ZFPM2: variants seen among roughly 807,000 people sequenced by gnomAD.
ZFPM2 encodes zinc finger protein, FOG family member 2.
ZFPM2 carries 20 observed loss-of-function variants against 98.6 expected under a neutral mutation model. The observed-to-expected ratio is 0.20, with a 90% CI of 0.14 to 0.29. The LOEUF (loss-of-function observed/expected upper bound fraction) is 0.29. Ranked by LOEUF, ZFPM2 falls within the 10% of genes least tolerant of loss-of-function variation. The pLI is 1.00. For synonymous variants in ZFPM2, 518 were observed against 502.7 expected, an observed-to-expected ratio of 1.03 and a Z score of -0.41; for missense variants, 1,310 against 1,388.6, an observed-to-expected ratio of 0.94 and a Z score of 0.90.
chr8:105,655,652 T>A (rs1817271141), intron 5 of ZFPM2, among the ~76,000 whole-genome samples: 1 of 152,168 alleles, frequency 6.6e-6, no homozygotes, highest in Admixed American at 6.5e-5. Flanking sequence ...TATCATAGAA[T>A]CATAAAATTC....
intron 1 of ZFPM2, among the ~76,000 whole-genome samples, chr8:105,333,347 A>G (rs1431506056): frequency 1.3e-5 from 2 of 151,802 alleles, no homozygotes; most frequent in Non-Finnish European, 2.9e-5. Context: ...GCAAAAATGA[A>G]TGAACAGAGC....
chr8:105,412,305 A>G (rs1811592118), intron 1 of ZFPM2, among the ~76,000 whole-genome samples: 1 of 151,838 alleles, frequency 6.6e-6, no homozygotes, highest in Non-Finnish European at 1.5e-5. Context: ...TCAAAACTCA[A>G]TTTAAATATT....
At chr8:105,341,005 G>A (rs1178550887) in intron 1 of ZFPM2, among the ~76,000 whole-genome samples, 3 of 151,818 alleles carry the variant, frequency 2.0e-5, no homozygotes, top group Admixed American at 1.3e-4. Context: ...CACTGTCAAG[G>A]GTGAGGGGAC....
At position 105,801,602 on chromosome 8, in the gene ZFPM2, T is replaced by C. The variant is rs1194484043; in HGVS notation, c.1520T>C (p.Ile507Thr). 4 of 1,613,768 alleles carry C rather than the reference T, an allele frequency of 2.5e-6. No individual in the cohort carries two copies. The highest frequency in any genetic ancestry group is 1.3e-5 in the African/African-American group (1 of 74,886). ...FLSQFSFPQD[I>T]TMVPQASEIL... is the part of the protein sequence containing the mutation. ...TCTCAGTTTTCTTTCCCCCAAGATA[T>C]CACCATGGTCCCTCAAGCTTCAGAG... The change falls in exon 8 of 8, where the codon ATC becomes ACC. Residue 507 changes from isoleucine to threonine, a missense_variant. Physicochemically the swap from Ile to Thr is moderately conservative, Grantham distance 89. Transcript: ENST00000407775.
chr8:105,494,755 G>A (rs529039557), intron 3 of ZFPM2, among the ~76,000 whole-genome samples: 25 of 152,184 alleles, frequency 1.6e-4, no homozygotes, highest in Non-Finnish European at 3.4e-4. Flanking sequence ...CAAGAATTCT[G>A]ATGTACAGAA....
intron 5 of ZFPM2, among the ~76,000 whole-genome samples, chr8:105,649,549 C>G (rs546474421): frequency 6.6e-6 from 1 of 152,104 alleles, no homozygotes; most frequent in East Asian, 1.9e-4. Flanking sequence ...TTTTGAGATA[C>G]GTCCCATCAA....
intron 5 of ZFPM2, among the ~76,000 whole-genome samples, chr8:105,704,909 C>G (rs1426367779): frequency 6.6e-6 from 1 of 152,136 alleles, no homozygotes; most frequent in Non-Finnish European, 1.5e-5. Context: ...TTAAATTCTC[C>G]TCTAGTCAGT....
chr8:105,758,126 G>A (rs570388210), intron 5 of ZFPM2, among the ~76,000 whole-genome samples: 3 of 152,208 alleles, frequency 2.0e-5, no homozygotes, highest in Admixed American at 1.3e-4. Context: ...ATAAATAGGA[G>A]ACAATTCTTG....
At chr8:105,677,220 T>G (rs1452295692) in intron 5 of ZFPM2, among the ~76,000 whole-genome samples, 2 of 152,022 alleles carry the variant, frequency 1.3e-5, no homozygotes, top group Non-Finnish European at 2.9e-5. Context: ...TCATGTCTTT[T>G]TTTTTTTAAG....
intron 2 of ZFPM2, among the ~76,000 whole-genome samples, chr8:105,423,483 T>C (rs1811844380): frequency 1.3e-5 from 2 of 152,218 alleles, no homozygotes; most frequent in Non-Finnish European, 2.9e-5. Context: ...CATCTTTTGT[T>C]TATGAGTTTA....
At chr8:105,639,627 G>T (rs1266089451) in intron 5 of ZFPM2, among the ~76,000 whole-genome samples, 1 of 152,040 alleles carries the variant, frequency 6.6e-6, no homozygotes, top group East Asian at 1.9e-4. Context: ...TACCATGCAG[G>T]ATTTTTGTGA....
chr8:105,757,663 T>C (rs1337038725), intron 5 of ZFPM2, among the ~76,000 whole-genome samples: 2 of 152,168 alleles, frequency 1.3e-5, no homozygotes, highest in Non-Finnish European at 2.9e-5. Context: ...CTTGAACATA[T>C]ACTTACACAC....
intron 2 of ZFPM2, among the ~76,000 whole-genome samples, chr8:105,437,933 C>T (rs1812158585): frequency 6.6e-6 from 1 of 152,080 alleles, no homozygotes; most frequent in South Asian, 2.1e-4. Context: ...ATCCCAGCTA[C>T]TCAGGAGGCT....
chr8:105,460,673 G>A (rs1175987318), intron 3 of ZFPM2, among the ~76,000 whole-genome samples: 4 of 152,016 alleles, frequency 2.6e-5, no homozygotes, highest in East Asian at 1.9e-4. Context: ...ATGAGAATGC[G>A]TTGAAAGTGA....
chr8:105,718,061 T>TATAAA (rs1209036183), intron 5 of ZFPM2, among the ~76,000 whole-genome samples: 1 of 151,870 alleles, frequency 6.6e-6, no homozygotes, highest in Non-Finnish European at 1.5e-5. Context: ...TCACATTATT[T>TATAAA]ATAAAATAAA....
chr8:105,419,408 G>T (rs540330586), intron 2 of ZFPM2, 106 bp downstream of exon 2: 2 of 1,364,976 alleles, frequency 1.5e-6, no homozygotes, highest in East Asian at 2.5e-5. Flanking sequence ...TAATTCAGCC[G>T]TCTGAAAATA....
At chr8:105,710,624 T>G (rs1811361759) in intron 5 of ZFPM2, among the ~76,000 whole-genome samples, 1 of 151,940 alleles carries the variant, frequency 6.6e-6, no homozygotes, top group Admixed American at 6.6e-5. Context: ...TGGAACTCTG[T>G]CATAACCTCA....
At chr8:105,372,591 A>G (rs1810646322) in intron 1 of ZFPM2, among the ~76,000 whole-genome samples, 1 of 152,290 alleles carries the variant, frequency 6.6e-6, no homozygotes, top group Admixed American at 6.5e-5. Flanking sequence ...ATGGAAAAGT[A>G]TTCAGAGATT....
chr8:105,481,237 G>C (rs1428911822), intron 3 of ZFPM2, among the ~76,000 whole-genome samples: 1 of 151,910 alleles, frequency 6.6e-6, no homozygotes, highest in Non-Finnish European at 1.5e-5. Flanking sequence ...TTCTCTATTT[G>C]TTTTGCTCCA....
Sources: allele counts gnomAD v4.1 joint callset (sites outside exome capture counted in the v4.1 genomes callset), GRCh38; gene constraint gnomAD v4.1.1; transcripts MANE v1.5; gene names NCBI Gene and HGNC (gene_info 2026-07-23, HGNC 2026-07-21).